Variants in EIF3B observed in about 807,000 individuals in gnomAD.
The protein encoded by EIF3B is eukaryotic translation initiation factor 3 subunit B, also known as eukaryotic translation initiation factor 3 subunit 9.
EIF3B carries 10 observed loss-of-function variants against 104.6 expected under a neutral mutation model. That is an observed-to-expected ratio of 0.10 (90% CI 0.06 to 0.16). The LOEUF is 0.16. EIF3B is among the 10% of genes least tolerant of loss of function. The probability of loss-of-function intolerance (pLI) is 1.00; values close to 1 mark genes in which losing one functional copy is unlikely to be tolerated. For synonymous variants in EIF3B, 542 were observed against 417.2 expected, an observed-to-expected ratio of 1.30 and a Z score of -3.65; for missense variants, 1,014 against 1,087.9, an observed-to-expected ratio of 0.93 and a Z score of 0.96.
chr7:2,361,271 A>G (rs529575699), intron 2 of EIF3B, among the ~76,000 whole-genome samples: 1 of 152,304 alleles, frequency 6.6e-6, no homozygotes, highest in African/African-American at 2.4e-5. Flanking sequence ...ATAAATAAAT[A>G]AAGTAAAAAC....
intron 1 of EIF3B, among the ~76,000 whole-genome samples, chr7:2,355,874 T>C (rs3807430): frequency 0.43 from 65,002 of 152,064 alleles, 15,619 homozygotes; most frequent in East Asian, 0.57. Context: ...AGCCGGTGAT[T>C]TTGTCCTCCT....
Position 2,355,206 on chromosome 7 carries a change from G to T in EIF3B, c.285G>T (p.Ser95=). The T allele has an allele frequency of 6.7e-7, 1 of 1,488,542 alleles. No individual in the cohort carries two copies. Among genetic ancestry groups the T allele is most frequent in the Non-Finnish European group, 8.9e-7 (1 of 1,127,914 alleles). 92.2% of individuals were successfully genotyped at this position (1,488,542 alleles called of 1,614,324 possible). A position where few individuals can be genotyped will look rare whatever the true frequency, so the allele number is the denominator to read the frequency against. The stretch of plus-strand genomic sequence containing the variant: ...CGGCCGCCGAGGAGCTGCCCGGGTC[G>T]CATGCTGAGCCCCCTGTCCCGGCAC... ...SPPAAEELPG[S]HAEPPVPAQG... Residue 95 remains serine, a synonymous_variant, in exon 1 of 19, where the codon TCG becomes TCT. Transcript: ENST00000360876.
At chr7:2,370,308 C>G (rs1196178129) in intron 10 of EIF3B, among the ~76,000 whole-genome samples, 6 of 151,962 alleles carry the variant, frequency 3.9e-5, no homozygotes, top group Admixed American at 3.3e-4. Context: ...GAAACCCCAT[C>G]TCTACTAAAA....
At chr7:2,379,734 T>C (rs1157660028) in intron 18 of EIF3B, 2 of 531,244 alleles carry the variant, frequency 3.8e-6, no homozygotes, top group Admixed American at 3.3e-5. Context: ...TTTCAGGCAG[T>C]GCTGGGTGAG....
intron 2 of EIF3B, among the ~76,000 whole-genome samples, chr7:2,362,046 G>A (rs1254489453): frequency 1.3e-5 from 2 of 152,000 alleles, no homozygotes; most frequent in Non-Finnish European, 2.9e-5. Flanking sequence ...TGCAACCTCC[G>A]CCTCCCAGGC....
rs1780038190 is a variant in EIF3B at position 2,366,581 on chromosome 7, A to G, written c.1346A>G (p.Tyr449Cys). The change falls in exon 8 of 19, where the codon TAT (tyrosine) becomes TGT (cysteine). Residue 449 changes from tyrosine to cysteine, a missense_variant. This residue lies in a region of EIF3B where 201 missense variants were observed against 240.7 expected (regional missense o/e 0.83). Transcript: ENST00000360876. The part of the protein sequence containing the change: ...ARMTLDTLSI[Y>C]ETPSMGLLDK... ...ATGACCCTGGATACGCTTAGCATCT[A>G]TGAAACTCCTGTAAGTGGCCTCAGT... The G allele has an allele frequency of 2.5e-6, 4 of 1,614,208 alleles. No homozygotes were observed. Among genetic ancestry groups the G allele is most frequent in the Non-Finnish European group, 3.4e-6 (4 of 1,180,038 alleles).
intron 13 of EIF3B, chr7:2,374,862 T>C (rs1780550864): frequency 7.7e-6 from 3 of 390,768 alleles, no homozygotes; most frequent in Non-Finnish European, 9.2e-6. Context: ...TGTCTGCGGG[T>C]TGTGGTTCTC....
intron 9 of EIF3B, 74 bp downstream of exon 9, chr7:2,367,119 A>C (rs571459942): frequency 1.5e-4 from 158 of 1,052,242 alleles, no homozygotes; most frequent in South Asian, 1.3e-3. Flanking sequence ...AAAAAAAAAA[A>C]CACAATACCA....
rs1196033199 is a variant in EIF3B at position 2,366,846 on chromosome 7, G to T, written c.1357-153G>T. 3.5e-6 allele frequency: 3 copies of T among 864,316 alleles called. No homozygotes were observed. In the East Asian group the frequency reaches 7.3e-5, roughly 21 times the overall value. 53.5% of individuals were successfully genotyped at this position (864,316 alleles called of 1,614,324 possible). ...CTTCAGAACTGCAGTTCTGGGTGGC[G>T]GGTGGGTGGATGGGTTCACTGTCAC... On this transcript the variant is annotated intron_variant, in intron 8 of 18. Coordinates refer to ENST00000360876, the MANE Select transcript of EIF3B (RefSeq NM_001037283.2).
chr7:2,379,580 C>A, intron 18 of EIF3B, 69 bp downstream of exon 18: 1 of 995,340 alleles, frequency 1.0e-6, no homozygotes, highest in Non-Finnish European at 1.5e-6. Flanking sequence ...ATCCCCGTCA[C>A]TGAGGAAGCA....
At chr7:2,356,680 G>A (rs1386712467) in intron 1 of EIF3B, among the ~76,000 whole-genome samples, 1 of 151,678 alleles carries the variant, frequency 6.6e-6, no homozygotes, top group East Asian at 1.9e-4. Flanking sequence ...CACACCTGTA[G>A]TCTCAGGTAC....
intron 8 of EIF3B, 71 bp downstream of exon 8, chr7:2,366,662 T>G: frequency 6.4e-7 from 1 of 1,556,946 alleles, no homozygotes; most frequent in East Asian, 2.2e-5. Context: ...TGCCTTTCCT[T>G]ATTTGTGCTA....
At chr7:2,372,232 G>T (rs964416401) in intron 11 of EIF3B, 20 of 238,090 alleles carry the variant, frequency 8.4e-5, no homozygotes, top group African/African-American at 3.4e-4. Context: ...GATTGAGCCT[G>T]TGTTCTTGTT....
At position 2,358,111 on chromosome 7, in the gene EIF3B, T is replaced by C. The variant is rs566155252; in HGVS notation, c.500-2599T>C. On this transcript the variant is annotated intron_variant, in intron 1 of 18. Coordinates refer to ENST00000360876, the MANE Select transcript of EIF3B (RefSeq NM_001037283.2). ...TATTTTCAATATTTCCTTTTTTTTT[T>C]TGAGACAGAGTCTCATTCTCTTGCT... 3.4e-4 allele frequency among the ~76,000 whole-genome samples: 52 copies of C among 152,338 alleles called. No homozygotes were observed. In the South Asian group the frequency reaches 5.0e-3, roughly 15 times the overall value.
intron 11 of EIF3B, 73 bp downstream of exon 11, chr7:2,371,922 A>C: frequency 8.3e-7 from 1 of 1,206,840 alleles, no homozygotes; most frequent in Non-Finnish European, 1.2e-6. Context: ...TAACACTTCC[A>C]TGCGAGGGGT....
At position 2,374,529 on chromosome 7, in the gene EIF3B, G is replaced by A; in HGVS notation, c.1812G>A (p.Lys604=). The part of the protein sequence containing the change: ...VKNNGKIELI[K]MFDKQQANTI... ...GACAGGCGCGCTCTTTCCTTTCAGA[G>A]ATGTTCGACAAGCAGCAGGCGAACA... Residue 604 remains lysine (K), a splice_region_variant and synonymous_variant, in exon 13 of 19, where the codon AAG becomes AAA. Transcript: ENST00000360876. The A allele has an allele frequency of 6.2e-7, 1 of 1,613,994 alleles. No individual in the cohort carries two copies. The highest frequency in any genetic ancestry group is 8.5e-7 in the Non-Finnish European group (1 of 1,179,962).
rs151071509 is a variant in EIF3B at position 2,380,551 on chromosome 7, A to G, written c.*362A>G. On this transcript the variant is annotated 3_prime_UTR_variant, in exon 19 of 19. Transcript: ENST00000360876. ...GCGGCACCTTCTCCTGCGCCCAGTG[A>G]TGTTTCCACGGTGCCTGTACACAGC... The G allele has an allele frequency of 3.1e-3, 1,209 of 392,518 alleles. 13 individuals are homozygous for G. The highest frequency in any genetic ancestry group is 0.023 in the African/African-American group (1,123 of 48,206). 24.3% of individuals were successfully genotyped at this position (392,518 alleles called of 1,614,324 possible). A position where few individuals can be genotyped will look rare whatever the true frequency, so the allele number is the denominator to read the frequency against.
intron 9 of EIF3B, 191 bp downstream of exon 9, chr7:2,367,236 C>T (rs1389314879): frequency 1.8e-6 from 1 of 554,556 alleles, no homozygotes; most frequent in Non-Finnish European, 3.1e-6. Flanking sequence ...CCACCTCCCT[C>T]CTAGTGGACA....
At chr7:2,361,524 A>G (rs770707880) in intron 2 of EIF3B, among the ~76,000 whole-genome samples, 4 of 151,726 alleles carry the variant, frequency 2.6e-5, no homozygotes, top group Admixed American at 1.3e-4. Context: ...GGTTCACACT[A>G]TTCTCCCGCC....
Sources: gnomAD v4.1 joint callset for allele counts (sites outside exome capture counted in the v4.1 genomes callset) on GRCh38, gnomAD v4.1.1 for gene constraint, gnomAD v4.1.1 regional missense constraint, MANE v1.5 for transcripts, NCBI Gene and HGNC (gene_info 2026-07-23, HGNC 2026-07-21) for gene names.